The following NR6A1 variants were observed in gnomAD, a reference collection of about 807,000 sequenced individuals.
The protein encoded by NR6A1 is retinoic acid receptor-related testis-associated receptor.
In NR6A1, 7 loss-of-function variants were observed where a neutral mutation model predicts 59.1. That is an observed-to-expected ratio of 0.12 (90% CI 0.07 to 0.22). The LOEUF (loss-of-function observed/expected upper bound fraction) is 0.22. NR6A1 is among the 10% of genes least tolerant of loss of function. The probability of loss-of-function intolerance (pLI) is 1.00; values close to 1 mark genes in which losing one functional copy is unlikely to be tolerated. For synonymous variants in NR6A1, 243 were observed against 236.1 expected (o/e 1.03, Z -0.27); for missense variants, 468 against 611.6 (o/e 0.77, Z 2.48).
chr9:124,740,852 C>A (rs1412630949), intron 1 of NR6A1, among the ~76,000 whole-genome samples: 1 of 152,092 alleles, frequency 6.6e-6, no homozygotes, highest in African/African-American at 2.4e-5. Flanking sequence ...CTAGTCTCAA[C>A]CCCAAAGATA....
At chr9:124,569,634 G>GTTCC (rs1834381645) in intron 2 of NR6A1, among the ~76,000 whole-genome samples, 3 of 152,144 alleles carry the variant, frequency 2.0e-5, no homozygotes, top group African/African-American at 7.2e-5. Flanking sequence ...TACATTCTAA[G>GTTCC]GACTGACTCC....
chr9:124,707,951 T>C (rs1839181267), intron 2 of NR6A1, among the ~76,000 whole-genome samples: 1 of 152,180 alleles, frequency 6.6e-6, no homozygotes, highest in South Asian at 2.1e-4. Context: ...CCAGTTACTT[T>C]TTGCTTGGCT....
chr9:124,727,455 TA>T (rs576455036), intron 2 of NR6A1, among the ~76,000 whole-genome samples: 51 of 152,348 alleles, frequency 3.3e-4, no homozygotes, highest in Non-Finnish European at 6.3e-4. Flanking sequence ...AACTTTTTAT[TA>T]TTGTATTATA....
At chr9:124,536,314 A>G (rs1017041849) in intron 6 of NR6A1, among the ~76,000 whole-genome samples, 182 bp from the exon 7 acceptor site, 2 of 152,164 alleles carry the variant, frequency 1.3e-5, no homozygotes, top group Non-Finnish European at 2.9e-5. Context: ...TGAGGCCAGC[A>G]GCAAGTTCAG....
At chr9:124,625,415 C>G (rs1588718545) in intron 2 of NR6A1, among the ~76,000 whole-genome samples, 1 of 152,316 alleles carries the variant, frequency 6.6e-6, no homozygotes, top group East Asian at 1.9e-4. Context: ...GCAGCCTCAA[C>G]CTCACAGGCT....
intron 2 of NR6A1, among the ~76,000 whole-genome samples, chr9:124,607,704 A>T (rs1472487286): frequency 1.3e-5 from 2 of 152,140 alleles, no homozygotes; most frequent in Non-Finnish European, 2.9e-5. Context: ...GCAAACAGTA[A>T]ATTTTCAATA....
At chr9:124,709,607 T>A (rs925231729) in intron 2 of NR6A1, among the ~76,000 whole-genome samples, 3 of 151,992 alleles carry the variant, frequency 2.0e-5, no homozygotes, top group African/African-American at 7.2e-5. Flanking sequence ...TGAAATTCAA[T>A]TGCATGCTCT....
intron 2 of NR6A1, among the ~76,000 whole-genome samples, chr9:124,616,950 T>C (rs1835912050): frequency 6.6e-6 from 1 of 152,236 alleles, no homozygotes; most frequent in African/African-American, 2.4e-5. Flanking sequence ...ACACACACCC[T>C]GTGACCCAAA....
intron 2 of NR6A1, among the ~76,000 whole-genome samples, chr9:124,625,004 C>A (rs1836193437): frequency 1.4e-5 from 2 of 146,220 alleles, no homozygotes; most frequent in African/African-American, 2.5e-5. Context: ...ATTTGGATAA[C>A]TTTCTAGCAC....
intron 2 of NR6A1, among the ~76,000 whole-genome samples, chr9:124,644,506 CTT>C (rs1836875564): frequency 6.6e-6 from 1 of 152,124 alleles, no homozygotes; most frequent in Non-Finnish European, 1.5e-5. Context: ...CCCGCCTCAG[CTT>C]CCCAAAGTGC....
chr9:124,737,039 T>A (rs1426868324), intron 1 of NR6A1, among the ~76,000 whole-genome samples: 1 of 152,182 alleles, frequency 6.6e-6, no homozygotes, highest in Non-Finnish European at 1.5e-5. Context: ...CTCAAAGACC[T>A]GGGATGGAAC....
At chr9:124,687,652 A>G (rs1403823673) in intron 2 of NR6A1, among the ~76,000 whole-genome samples, 2 of 152,182 alleles carry the variant, frequency 1.3e-5, no homozygotes, top group Admixed American at 6.5e-5. Flanking sequence ...CTCTAGATTC[A>G]GCAGGCTCCT....
chr9:124,677,537 A>G (rs1838001052), intron 2 of NR6A1, among the ~76,000 whole-genome samples: 1 of 152,082 alleles, frequency 6.6e-6, no homozygotes, highest in Non-Finnish European at 1.5e-5. Context: ...TGCTAGGATT[A>G]CAAGCATGAG....
intron 2 of NR6A1, among the ~76,000 whole-genome samples, chr9:124,643,991 CCTGGGTTCAAGCGATTCTCCAGCTT>C (rs1423563075): frequency 6.6e-6 from 1 of 152,192 alleles, no homozygotes; most frequent in African/African-American, 2.4e-5. Context: ...ACCTCCACCT[CCTGGGTTCAAGCGATTCTCCAGCTT>C]CAACCTCCCA....
At position 124,520,857 on chromosome 9, in the gene NR6A1, T is replaced by C. The variant is rs1435734704; in HGVS notation, c.*1848A>G. ...GAGCTTTTCCTGAGGAACATGTCTC[T>C]TCCTTCTCAGAGCAACTGGGGAAAC... On this transcript the variant is annotated 3_prime_UTR_variant, in exon 10 of 10. Transcript: ENST00000487099. The C allele has an allele frequency of 3.3e-5, 5 of 152,254 alleles. No individual in the cohort carries two copies. The highest frequency in any genetic ancestry group is 7.3e-5 in the Non-Finnish European group (5 of 68,042). The allele number at this position is 152,254 out of a possible 1,614,324, so 9.4% of individuals were successfully genotyped here.
rs538374942 is a variant in NR6A1 at position 124,518,543 on chromosome 9, C to G, written c.*4162G>C. On this transcript the variant is annotated 3_prime_UTR_variant, in exon 10 of 10. Transcript: ENST00000487099. ...TGTCTCCAGGCTAACCAGTTTCCAA[C>G]ACTTGGTGGAATGACTGCCGTTTCT... The G allele has an allele frequency of 5.3e-5, 8 of 152,090 alleles. No individual in the cohort carries two copies. The highest frequency in any genetic ancestry group is 1.0e-4 in the Non-Finnish European group (7 of 68,032). The allele number at this position is 152,090 out of a possible 1,614,324, so 9.4% of individuals were successfully genotyped here.
intron 2 of NR6A1, among the ~76,000 whole-genome samples, chr9:124,631,123 G>A (rs1357911378): frequency 6.6e-6 from 1 of 152,078 alleles, no homozygotes; most frequent in African/African-American, 2.4e-5. Context: ...ATACCAATAA[G>A]TACTCAATAG....
intron 2 of NR6A1, among the ~76,000 whole-genome samples, chr9:124,721,256 G>A (rs942121977): frequency 1.2e-4 from 18 of 152,122 alleles, no homozygotes; most frequent in African/African-American, 3.9e-4. Flanking sequence ...CTAAACTCTC[G>A]GCTCCATAGG....
At chr9:124,554,190 G>A (rs1833866177) in intron 3 of NR6A1, 138 bp downstream of exon 3, 1 of 1,314,886 alleles carries the variant, frequency 7.6e-7, no homozygotes, top group Non-Finnish European at 1.0e-6. Flanking sequence ...AGGCAAGAAT[G>A]GTTCATTTTT....
Sources: gnomAD v4.1 joint callset for allele counts (sites outside exome capture counted in the v4.1 genomes callset) on GRCh38, gnomAD v4.1.1 for gene constraint, MANE v1.5 for transcripts, NCBI Gene and HGNC (gene_info 2026-07-23, HGNC 2026-07-21) for gene names.